Variants in CREB3L3 observed in about 807,000 individuals in gnomAD.
CREB3L3 encodes cyclic AMP-responsive element-binding protein 3-like protein 3.
CREB3L3 carries 40 observed loss-of-function variants against 44.6 expected under a neutral mutation model. The observed-to-expected ratio is 0.90, with a 90% CI of 0.70 to 1.17. The LOEUF (loss-of-function observed/expected upper bound fraction) is 1.17, where lower values mean the gene tolerates loss of function less well. Ranked by LOEUF, CREB3L3 falls within the 50% of genes most tolerant of loss-of-function variation. The pLI, the probability that CREB3L3 is intolerant of heterozygous loss-of-function variation, is 0.00. For missense variants in CREB3L3, 578 were observed against 595.8 expected (o/e 0.97, Z 0.31); for synonymous variants, 273 against 256.3 (o/e 1.06, Z -0.62).
chr19:4,159,441 A>ACACCCGGCCAGGCTAGTTTT (rs1417672095), intron 3 of CREB3L3, among the ~76,000 whole-genome samples: 3 of 152,070 alleles, frequency 2.0e-5, no homozygotes, highest in African/African-American at 2.4e-5. Flanking sequence ...GTGAGCCACC[A>ACACCCGGCCAGGCTAGTTTT]TGACTGGCTG....
chr19:4,165,545 A>G (rs968148369), intron 5 of CREB3L3, among the ~76,000 whole-genome samples: 4 of 151,726 alleles, frequency 2.6e-5, no homozygotes, highest in Non-Finnish European at 5.9e-5. Flanking sequence ...TGTTTTTCTG[A>G]CCGGTAGATT....
At chr19:4,158,568 G>A (rs1224112739) in intron 3 of CREB3L3, among the ~76,000 whole-genome samples, 2 of 151,986 alleles carry the variant, frequency 1.3e-5, no homozygotes, top group Non-Finnish European at 2.9e-5. Flanking sequence ...TTGGGAGGCC[G>A]AAGCGAGCGG....
At chr19:4,157,644 T>G (rs1049129008) in intron 3 of CREB3L3, among the ~76,000 whole-genome samples, 2 of 152,188 alleles carry the variant, frequency 1.3e-5, no homozygotes, top group African/African-American at 4.8e-5. Flanking sequence ...TCTACGTGTC[T>G]GTACCCCGTG....
At chr19:4,157,670 A>G (rs571284299) in intron 3 of CREB3L3, among the ~76,000 whole-genome samples, 9 of 151,386 alleles carry the variant, frequency 5.9e-5, no homozygotes, top group Admixed American at 3.3e-4. Flanking sequence ...TTCCTAGTAG[A>G]TTTTTTTTTA....
intron 5 of CREB3L3, among the ~76,000 whole-genome samples, chr19:4,165,055 TG>T (rs552688220): frequency 9.2e-5 from 14 of 152,258 alleles, no homozygotes; most frequent in African/African-American, 3.4e-4. Flanking sequence ...ATGCTGTGTC[TG>T]TCACCAGAGC....
chr19:4,171,882 C>T lies in CREB3L3; in HGVS notation c.1299C>T (p.Gly433=), dbSNP rs371282145. Residue 433 remains glycine (G), a synonymous_variant, in exon 10 of 10, where the codon GGC becomes GGT. Coordinates refer to ENST00000078445, the MANE Select transcript of CREB3L3 (RefSeq NM_032607.3). This position sits in a 1 kb window ranked among gnomAD's most constrained non-coding sequence, Gnocchi z 4.9. ...LVLRNATEGL[G]QVALLDWVAP... ...TGAGGAATGCAACAGAGGGGCTGGG[C>T]CAGGTCGCCCTGCTGGACTGGGTGG... 3.1e-6 allele frequency: 5 copies of T among 1,613,144 alleles called. 1 individual carries two copies. The highest frequency in any genetic ancestry group is 1.6e-4 in the Middle Eastern group (1 of 6,062).
intron 4 of CREB3L3, 107 bp from the exon 5 acceptor site, chr19:4,164,396 C>A: frequency 7.0e-7 from 1 of 1,430,144 alleles, no homozygotes. Flanking sequence ...GCGTGAGCCA[C>A]CACACCCAGC....
intron 6 of CREB3L3, 78 bp downstream of exon 6, chr19:4,168,535 C>T (rs1966975037): frequency 1.7e-6 from 2 of 1,166,054 alleles, no homozygotes; most frequent in Middle Eastern, 2.0e-4. Flanking sequence ...GCTAAGGCCA[C>T]ACAGCTTAGA....
At chr19:4,168,157 C>T (rs1966963551) in intron 5 of CREB3L3, among the ~76,000 whole-genome samples, 194 bp from the exon 6 acceptor site, 1 of 151,730 alleles carries the variant, frequency 6.6e-6, no homozygotes, top group Non-Finnish European at 1.5e-5. Flanking sequence ...CGCCACCATG[C>T]CTGGCTAATT....
At chr19:4,155,304 T>A (rs920007330) in intron 2 of CREB3L3, among the ~76,000 whole-genome samples, 1 of 151,914 alleles carries the variant, frequency 6.6e-6, no homozygotes, top group African/African-American at 2.4e-5. Flanking sequence ...ACTTGGGGCA[T>A]CTCCCTGGCT....
At chr19:4,163,970 A>ATTTT (rs746262345) in intron 4 of CREB3L3, among the ~76,000 whole-genome samples, 2 of 114,888 alleles carry the variant, frequency 1.7e-5, no homozygotes, top group Admixed American at 1.0e-4. Flanking sequence ...TGGTCGGGTA[A>ATTTT]TTTTTTTTTT....
In CREB3L3 at chr19:4,168,333, C is replaced by G. The variant is rs781139435; in HGVS notation, c.715-18C>G. ...GGACTTTCTGGCCTGAAACCCTCCT[C>G]CCCATTTCACTTGGCAGTACGAGGA... is the stretch of plus-strand genomic sequence containing the variant. On this transcript the variant is annotated intron_variant, in intron 5 of 9. Coordinates refer to ENST00000078445, the MANE Select transcript of CREB3L3 (RefSeq NM_032607.3). 3 of 1,600,614 alleles carry G rather than the reference C, an allele frequency of 1.9e-6. No homozygotes were observed. The African/African-American group carries it at 4.0e-5, about 21-fold the overall frequency.
chr19:4,172,112 C>A lies in CREB3L3; in HGVS notation c.*143C>A. On this transcript the variant is annotated 3_prime_UTR_variant, in exon 10 of 10. Transcript: ENST00000078445. ...GAATGGGGGAGGCACAGCTCATAGCCACACACCCAGGGCCTGACTGAGGCC... is the reference window on the plus strand; with the variant it reads ...GAATGGGGGAGGCACAGCTCATAGCAACACACCCAGGGCCTGACTGAGGCC... 1 of 912,558 alleles carries A rather than the reference C, an allele frequency of 1.1e-6. No homozygotes were observed. Among genetic ancestry groups the A allele is most frequent in the Non-Finnish European group, 1.6e-6 (1 of 621,174 alleles). 56.5% of individuals were successfully genotyped at this position (912,558 alleles called of 1,614,324 possible).
chr19:4,171,780 C>T lies in CREB3L3; in HGVS notation c.1197C>T (p.Pro399=), dbSNP rs140601919. 140 of 1,613,472 alleles carry T rather than the reference C, an allele frequency of 8.7e-5. No homozygotes were observed. In the African/African-American group the frequency reaches 1.1e-3, roughly 13 times the overall value. ...DTTREESPGS[P]GADWGFQDTA... is the part of the protein sequence containing the mutation. ...CCCGAGAAGAGTCTCCAGGAAGCCC[C>T]GGGGCAGACTGGGGCTTCCAGGACA... Residue 399 remains proline, a synonymous_variant, in exon 10 of 10, where the codon CCC becomes CCT. Transcript: ENST00000078445. This position sits in a 1 kb window ranked among gnomAD's most constrained non-coding sequence, Gnocchi z 4.9.
In CREB3L3 at chr19:4,171,183, C is replaced by T. The variant is rs749055696; in HGVS notation, c.975+8C>T. ...ACAGGCACCTGTGTCGCAGTGAGTCCTGGTGCCCCCAGGCAAGCCGGGGAC... is the reference window on the plus strand; with the variant it reads ...ACAGGCACCTGTGTCGCAGTGAGTCTTGGTGCCCCCAGGCAAGCCGGGGAC... On this transcript the variant is annotated splice_region_variant and intron_variant, in intron 8 of 9. Coordinates refer to ENST00000078445, the MANE Select transcript of CREB3L3 (RefSeq NM_032607.3). This position sits in a 1 kb window ranked among gnomAD's most constrained non-coding sequence, Gnocchi z 4.9. 2 of 1,613,392 alleles carry T rather than the reference C, an allele frequency of 1.2e-6. No homozygotes were observed. The highest frequency in any genetic ancestry group is 1.1e-5 in the South Asian group (1 of 91,070).
chr19:4,169,429 G>A (rs57365278), intron 6 of CREB3L3, among the ~76,000 whole-genome samples: 9 of 151,834 alleles, frequency 5.9e-5, no homozygotes, highest in South Asian at 2.1e-4. Context: ...GCAGTGAGTC[G>A]AGATTGTGCC....
chr19:4,155,461 C>A (rs999039475), intron 2 of CREB3L3, among the ~76,000 whole-genome samples: 2 of 150,178 alleles, frequency 1.3e-5, no homozygotes, highest in African/African-American at 4.9e-5. Flanking sequence ...CGGGTTCAAG[C>A]GATTCTCTTG....
At chr19:4,170,041 GT>G (rs1229704694) in intron 6 of CREB3L3, 98 bp from the exon 7 acceptor site, 1 of 1,179,536 alleles carries the variant, frequency 8.5e-7, no homozygotes, top group Non-Finnish European at 1.3e-6. Flanking sequence ...CTGGCCTTGG[GT>G]TCTCTTGGCT....
chr19:4,162,095 C>G (rs2041668692), intron 4 of CREB3L3, among the ~76,000 whole-genome samples: 1 of 152,192 alleles, frequency 6.6e-6, no homozygotes, highest in Non-Finnish European at 1.5e-5. Context: ...TAGCCTCCAC[C>G]TCCTGGGCTC....
Sources: gnomAD v4.1 joint callset for allele counts (sites outside exome capture counted in the v4.1 genomes callset) on GRCh38, gnomAD v4.1.1 for gene constraint, Gnocchi (gnomAD v3.1) non-coding constraint, MANE v1.5 for transcripts, NCBI Gene and HGNC (gene_info 2026-07-23, HGNC 2026-07-21) for gene names.